The following MAP1B variants were observed in gnomAD, a reference collection of about 807,000 sequenced individuals.
MAP1B encodes the protein microtubule-associated protein 1B.
In MAP1B, 12 loss-of-function variants were observed where a neutral mutation model predicts 176.1. That is an observed-to-expected ratio of 0.07 (90% CI 0.04 to 0.11). The LOEUF (loss-of-function observed/expected upper bound fraction) is 0.11, where lower values mean the gene tolerates loss of function less well. MAP1B is among the 10% of genes least tolerant of loss of function. MAP1B has a pLI of 1.00. For synonymous variants in MAP1B, 1,044 were observed against 1,135.0 expected, an observed-to-expected ratio of 0.92 and a Z score of 1.61; for missense variants, 2,523 against 2,990.5, an observed-to-expected ratio of 0.84 and a Z score of 3.65.
intron 2 of MAP1B, among the ~76,000 whole-genome samples, chr5:72,145,683 G>A (rs1746031650): frequency 6.6e-6 from 1 of 152,206 alleles, no homozygotes; most frequent in African/African-American, 2.4e-5. Flanking sequence ...AAGCAGTGAA[G>A]TGTTGGTGGA....
rs1439654318 is a variant in MAP1B at position 72,197,371 on chromosome 5, C to G, written c.4016C>G (p.Ser1339Cys). The change falls in exon 5 of 7, where the codon TCT becomes TGT. Residue 1339 changes from serine to cysteine, a missense_variant. Ser to Cys is a moderately radical substitution (Grantham distance 112). This residue lies in a region of MAP1B where 1,925 missense variants were observed against 2,126.0 expected (regional missense o/e 0.91). Coordinates refer to ENST00000296755, the MANE Select transcript of MAP1B (RefSeq NM_005909.5). The stretch of plus-strand genomic sequence containing the variant: ...GCTGGTCACACACCTTACTATCAAT[C>G]TCCTACTGACGAGAAATCCAGTCAT... Reference protein sequence around the residue: ...GSAGHTPYYQSPTDEKSSHLP... With the variant: ...GSAGHTPYYQCPTDEKSSHLP... The G allele has an allele frequency of 6.2e-7, 1 of 1,614,102 alleles. No individual in the cohort carries two copies.
Position 72,194,980 on chromosome 5 carries a change from G to A in MAP1B, c.1625G>A (p.Arg542Gln), listed in dbSNP as rs1188686297. The A allele has an allele frequency of 1.2e-5, 19 of 1,613,882 alleles. No homozygotes were observed. In the Admixed American group the frequency reaches 1.3e-4, roughly 11 times the overall value. Residue 542 changes from arginine (R) to glutamine (Q), a missense_variant, in exon 5 of 7, where the codon CGA becomes CAA. Arg to Gln is a conservative substitution (Grantham distance 43, BLOSUM62 1). Around this residue, in one of 4 missense-constraint regions of MAP1B, gnomAD observed 1,925 missense variants for 2,126.0 expected, o/e 0.91. Coordinates refer to ENST00000296755, the MANE Select transcript of MAP1B (RefSeq NM_005909.5). The surrounding 1 kb of genome is among the most constrained non-coding windows in gnomAD (Gnocchi z 7.2). ...AAACTGAAACAGAGGGCTGATAGCC[G>A]AGAAAGTCTGAAGCCAGCCGCAAAA... ...QTKLKQRADS[R>Q]ESLKPAAKPL... is the part of the protein sequence containing the mutation.
chr5:72,132,453 C>T (rs1745751647), intron 2 of MAP1B, among the ~76,000 whole-genome samples: 1 of 152,176 alleles, frequency 6.6e-6, no homozygotes, highest in Non-Finnish European at 1.5e-5. Flanking sequence ...TAGATCTCAT[C>T]CTCCAACTCA....
At chr5:72,189,432 C>G (rs1256745211) in intron 4 of MAP1B, among the ~76,000 whole-genome samples, 1 of 152,234 alleles carries the variant, frequency 6.6e-6, no homozygotes, top group Non-Finnish European at 1.5e-5. Flanking sequence ...TTACCCTTCA[C>G]CAACACTGCC....
intron 2 of MAP1B, among the ~76,000 whole-genome samples, chr5:72,117,266 C>G (rs1269565280): frequency 6.6e-6 from 1 of 152,076 alleles, no homozygotes; most frequent in Admixed American, 6.6e-5. Flanking sequence ...TGCGATATCT[C>G]CGTATCTTTT....
chr5:72,194,362 C>T lies in MAP1B; in HGVS notation c.1007C>T (p.Ser336Phe). ...RKIAELEEEQ[S>F]QGSTTNSDWM... ...ATTGCAGAGCTCGAGGAAGAACAGT[C>T]CCAGGGCTCCACCACAAATAGTGAC... The change falls in exon 5 of 7, where the codon TCC (serine) becomes TTC (phenylalanine). Residue 336 changes from serine to phenylalanine, a missense_variant. This residue lies in a region of MAP1B where 307 missense variants were observed against 438.4 expected (regional missense o/e 0.70). Coordinates refer to ENST00000296755, the MANE Select transcript of MAP1B (RefSeq NM_005909.5). This position sits in a 1 kb window ranked among gnomAD's most constrained non-coding sequence, Gnocchi z 7.2. 6.2e-7 allele frequency: 1 copy of T among 1,614,148 alleles called. No individual in the cohort carries two copies. The highest frequency in any genetic ancestry group is 1.1e-5 in the South Asian group (1 of 91,070).
chr5:72,159,120 T>C (rs1004254832), intron 2 of MAP1B, among the ~76,000 whole-genome samples: 1 of 152,108 alleles, frequency 6.6e-6, no homozygotes, highest in African/African-American at 2.4e-5. Context: ...GATTTGAACT[T>C]ATGTTTGCCA....
intron 2 of MAP1B, among the ~76,000 whole-genome samples, chr5:72,141,436 T>C (rs1745945747): frequency 6.6e-6 from 1 of 152,252 alleles, no homozygotes; most frequent in Non-Finnish European, 1.5e-5. Flanking sequence ...AGAGCCTTCA[T>C]GCTGGGTATT....
At chr5:72,111,076 C>T (rs1367616666) in intron 1 of MAP1B, among the ~76,000 whole-genome samples, 1 of 152,060 alleles carries the variant, frequency 6.6e-6, no homozygotes, top group African/African-American at 2.4e-5. Context: ...TTTTCGCTAC[C>T]ACCAACTACT....
rs901856579 is a variant in MAP1B, at chr5:72,197,199, A to G, written c.3844A>G (p.Thr1282Ala). The change falls in exon 5 of 7, where the codon ACG becomes GCG. Residue 1282 changes from threonine (T) to alanine (A), a missense_variant. By Grantham distance (58) the Thr-to-Ala change is moderately conservative (BLOSUM62 0). Transcript: ENST00000296755. ...LGERSVNFSLTPNEIKVSAEA... is the reference protein window; with the variant it reads ...LGERSVNFSLAPNEIKVSAEA... ...TGAACGTAGTGTGAACTTCTCTCTGACGCCCAATGAGATTAAAGTCTCTGC... is the reference window on the plus strand; with the variant it reads ...TGAACGTAGTGTGAACTTCTCTCTGGCGCCCAATGAGATTAAAGTCTCTGC... The G allele has an allele frequency of 6.2e-7, 1 of 1,614,160 alleles. No individual in the cohort carries two copies. Among genetic ancestry groups the G allele is most frequent in the Non-Finnish European group, 8.5e-7 (1 of 1,180,026 alleles).
chr5:72,199,763 G>C lies in MAP1B; in HGVS notation c.6408G>C (p.Lys2136Asn). ...GAGCCCCACCGCCTCCAGGAGGAAA[G>C]CAACAGGGCCGACAGTGTGATGAAA... The part of the protein sequence containing the change: ...SGGAPPPPGG[K>N]QQGRQCDETP... Residue 2136 changes from lysine to asparagine, a missense_variant, in exon 5 of 7, where the codon AAG (lysine) becomes AAC (asparagine). Physicochemically the swap from Lys to Asn is moderately conservative, Grantham distance 94 (BLOSUM62 0). Transcript: ENST00000296755. This position sits in a 1 kb window ranked among gnomAD's most constrained non-coding sequence, Gnocchi z 4.2. The C allele has an allele frequency of 6.2e-7, 1 of 1,614,168 alleles. No individual in the cohort carries two copies. The highest frequency in any genetic ancestry group is 8.5e-7 in the Non-Finnish European group (1 of 1,180,034).
At chr5:72,144,751 G>T (rs1042379377) in intron 2 of MAP1B, among the ~76,000 whole-genome samples, 3 of 152,164 alleles carry the variant, frequency 2.0e-5, no homozygotes, top group African/African-American at 7.2e-5. Context: ...GACACATGAA[G>T]TGTTACGCTT....
intron 6 of MAP1B, 23 bp from the exon 7 acceptor site, chr5:72,205,061 A>ATTTT: frequency 2.8e-6 from 4 of 1,445,304 alleles, no homozygotes; most frequent in Admixed American, 2.0e-5. Flanking sequence ...TTAAATAGCT[A>ATTTT]TTTTTTTTTT....
At chr5:72,203,867 C>T in intron 6 of MAP1B, 66 bp downstream of exon 6, 3 of 1,494,262 alleles carry the variant, frequency 2.0e-6, no homozygotes, top group Non-Finnish European at 2.8e-6. Context: ...GGGAAGGAAC[C>T]ATGTTTAAAG....
At position 72,206,720 on chromosome 5, in the gene MAP1B, A is replaced by G. The variant is rs1310321287; in HGVS notation, c.*1481A>G. The G allele has an allele frequency of 6.6e-6, 1 of 152,106 alleles. No homozygotes were observed. Among genetic ancestry groups the G allele is most frequent in the Non-Finnish European group, 1.5e-5 (1 of 68,028 alleles). The allele number at this position is 152,106 out of a possible 1,614,324, so 9.4% of individuals were successfully genotyped here. ...TAGTCTTTTTTTTTAAGTGTTTCGT[A>G]AGACAAAAATTGAATAATGTTTTTT... On this transcript the variant is annotated 3_prime_UTR_variant, in exon 7 of 7. Transcript: ENST00000296755.
chr5:72,130,270 A>G (rs1344612176), intron 2 of MAP1B, among the ~76,000 whole-genome samples: 4 of 152,178 alleles, frequency 2.6e-5, no homozygotes, highest in Non-Finnish European at 4.4e-5. Flanking sequence ...TCCGAATTCT[A>G]ACTTTTCAGA....
At chr5:72,116,232 G>T (rs1745435450) in intron 2 of MAP1B, among the ~76,000 whole-genome samples, 1 of 152,212 alleles carries the variant, frequency 6.6e-6, no homozygotes, top group South Asian at 2.1e-4. Flanking sequence ...ATACAAATTG[G>T]ATGCTCCTAG....
In MAP1B at chr5:72,186,664, C is replaced by T. The variant is rs765418185; in HGVS notation, c.420C>T (p.Thr140=). ...DAARHKLLVL[T]GQCFENTGEL... The stretch of plus-strand genomic sequence containing the variant: ...CCCGACACAAGCTGCTCGTGCTGAC[C>T]GGGCAGTGCTTTGAAAATACCGGAG... The change falls in exon 4 of 7, where the codon ACC becomes ACT. Residue 140 remains threonine, a synonymous_variant. Coordinates refer to ENST00000296755, the MANE Select transcript of MAP1B (RefSeq NM_005909.5). This position sits in a 1 kb window ranked among gnomAD's most constrained non-coding sequence, Gnocchi z 4.3. 9.9e-6 allele frequency: 16 copies of T among 1,614,076 alleles called. No homozygotes were observed. Among genetic ancestry groups the T allele is most frequent in the African/African-American group, 4.0e-5 (3 of 74,924 alleles).
chr5:72,150,251 C>T (rs564732754), intron 2 of MAP1B, among the ~76,000 whole-genome samples: 27 of 152,318 alleles, frequency 1.8e-4, no homozygotes, highest in African/African-American at 6.5e-4. Context: ...GACTCAGAAT[C>T]CATTTAATAT....
Sources: allele counts gnomAD v4.1 joint callset (sites outside exome capture counted in the v4.1 genomes callset), GRCh38; gene constraint gnomAD v4.1.1; regional missense constraint gnomAD v4.1.1; non-coding constraint Gnocchi (gnomAD v3.1); transcripts MANE v1.5; gene names NCBI Gene and HGNC (gene_info 2026-07-23, HGNC 2026-07-21).